The following SLC20A2 variants were observed in gnomAD, a reference collection of about 807,000 sequenced individuals.
SLC20A2 encodes sodium-dependent phosphate transporter 2.
Under a neutral mutation model 61.0 loss-of-function variants are expected in SLC20A2, and 30 were observed. That is an observed-to-expected ratio of 0.49 (90% confidence interval 0.37 to 0.67). The LOEUF is 0.67. Among genes scored for constraint, SLC20A2 ranks in the 30% least tolerant of loss-of-function variants. The probability of loss-of-function intolerance (pLI) is 0.00; values close to 1 mark genes in which losing one functional copy is unlikely to be tolerated. For synonymous variants in SLC20A2, 351 were observed against 353.3 expected (o/e 0.99, Z 0.07); for missense variants, 626 against 866.4 (o/e 0.72, Z 3.48).
rs779984123 is a variant in SLC20A2, at chr8:42,417,534, TTAATATA to T, written c.*262_*268del. 854 of 254,264 alleles carry T rather than the reference TTAATATA, an allele frequency of 3.4e-3. 1 individual carries two copies. The highest frequency in any genetic ancestry group is 5.4e-3 in the Non-Finnish European group (700 of 130,392). 15.8% of individuals were successfully genotyped at this position (254,264 alleles called of 1,614,324 possible). On this transcript the variant is annotated 3_prime_UTR_variant, in exon 11 of 11. Transcript: ENST00000520262. The stretch of plus-strand genomic sequence containing the variant: ...CCTATTCTATGGATACAATAGATAT[TTAATATA>T]TAAGTAACTGCACCACATTATATCA...
intron 6 of SLC20A2, among the ~76,000 whole-genome samples, chr8:42,441,642 T>A (rs1159716521): frequency 6.7e-6 from 1 of 150,072 alleles, no homozygotes; most frequent in Non-Finnish European, 1.5e-5. Context: ...CTAATTTTTG[T>A]ATTTTTAGTA....
rs762332674 is a variant in SLC20A2 at position 42,437,496 on chromosome 8, C to T, written c.1016G>A (p.Ser339Asn). The change falls in exon 8 of 11, where the codon AGC (serine) becomes AAC (asparagine). Residue 339 changes from serine to asparagine, a missense_variant. Around this residue, in one of 3 missense-constraint regions of SLC20A2, gnomAD observed 361 missense variants for 422.3 expected, o/e 0.85. Coordinates refer to ENST00000520262, the MANE Select transcript of SLC20A2 (RefSeq NM_001257180.2). This position sits in a 1 kb window ranked among gnomAD's most constrained non-coding sequence, Gnocchi z 6.4. ...CACGGTGTGGTACACATGACCGTCGCTCCTGGTGTGGCCGTCGAAGCCGAA... is the reference window on the plus strand; with the variant it reads ...CACGGTGTGGTACACATGACCGTCGTTCCTGGTGTGGCCGTCGAAGCCGAA... ...GTFGFDGHTR[S>N]DGHVYHTVHK... 80 of 1,614,014 alleles carry T rather than the reference C, an allele frequency of 5.0e-5. No homozygotes were observed. Among genetic ancestry groups the T allele is most frequent in the Non-Finnish European group, 6.6e-5 (78 of 1,180,028 alleles).
intron 5 of SLC20A2, among the ~76,000 whole-genome samples, chr8:42,458,943 C>A (rs977311999): frequency 5.3e-5 from 7 of 131,774 alleles, no homozygotes; most frequent in Non-Finnish European, 9.6e-5. Flanking sequence ...ATTTTTAACC[C>A]CCCCCCCCAC....
rs1320560354 is a variant in SLC20A2 at position 42,417,949 on chromosome 8, C to A, written c.1813G>T (p.Val605Leu). 1 of 1,613,596 alleles carries A rather than the reference C, an allele frequency of 6.2e-7. No individual in the cohort carries two copies. Among genetic ancestry groups the A allele is most frequent in the Non-Finnish European group, 8.5e-7 (1 of 1,179,820 alleles). Reference sequence around the variant, plus strand: ...GCCTTGCGGGAGCGGATCCAGCCCACGGCCACCACCGAGCCCACCTGTGGG... The same window carrying A: ...GCCTTGCGGGAGCGGATCCAGCCCAAGGCCACCACCGAGCCCACCTGTGGG... ...THCKVGSVVA[V>L]GWIRSRKAVD... The change falls in exon 11 of 11, where the codon GTG becomes TTG. Residue 605 changes from valine to leucine, a missense_variant. Physicochemically the swap from Val to Leu is conservative, Grantham distance 32 (BLOSUM62 1). Coordinates refer to ENST00000520262, the MANE Select transcript of SLC20A2 (RefSeq NM_001257180.2).
intron 10 of SLC20A2, among the ~76,000 whole-genome samples, chr8:42,420,102 C>A (rs1470569495): frequency 6.6e-6 from 1 of 151,808 alleles, no homozygotes; most frequent in African/African-American, 2.4e-5. Flanking sequence ...AGGAGAATCG[C>A]TTGAACTGGG....
Position 42,541,922 on chromosome 8 carries a change from A to C in SLC20A2, c.-366T>G, listed in dbSNP as rs1335860382. 1.3e-5 allele frequency: 2 copies of C among 152,076 alleles called. No homozygotes were observed. Among genetic ancestry groups the C allele is most frequent in the Admixed American group, 6.5e-5 (1 of 15,270 alleles). The allele number at this position is 152,076 out of a possible 1,614,324, so 9.4% of individuals were successfully genotyped here. A position where few individuals can be genotyped will look rare whatever the true frequency, so the allele number is the denominator to read the frequency against. ...GGAGCTGCGAGTCGCCCGCTTCCGGAAGCGCACACGGGCCAGTTGCGGCGG... is the reference window on the plus strand; with the variant it reads ...GGAGCTGCGAGTCGCCCGCTTCCGGCAGCGCACACGGGCCAGTTGCGGCGG... On this transcript the variant is annotated 5_prime_UTR_variant, in exon 1 of 11. Transcript: ENST00000342228.
intron 5 of SLC20A2, among the ~76,000 whole-genome samples, chr8:42,445,448 G>A (rs915622180): frequency 4.7e-5 from 7 of 149,670 alleles, no homozygotes; most frequent in African/African-American, 1.2e-4. Context: ...AGCTGAGGTC[G>A]GGCATGATGG....
intron 1 of SLC20A2, among the ~76,000 whole-genome samples, chr8:42,488,401 G>T (rs1178605054): frequency 6.6e-6 from 1 of 151,772 alleles, no homozygotes; most frequent in Non-Finnish European, 1.5e-5. Flanking sequence ...TGTTGGTCAG[G>T]CTGGTCTCAA....
At chr8:42,514,713 A>C (rs1026694462) in intron 1 of SLC20A2, among the ~76,000 whole-genome samples, 15 of 151,630 alleles carry the variant, frequency 9.9e-5, no homozygotes, top group Admixed American at 9.2e-4. Flanking sequence ...AGCTGAGATC[A>C]CACCACTGCA....
chr8:42,528,810 G>A (rs1483479888), intron 1 of SLC20A2, among the ~76,000 whole-genome samples: 1 of 151,804 alleles, frequency 6.6e-6, no homozygotes, highest in East Asian at 1.9e-4. Context: ...AGGATTATAG[G>A]CATGCGCCAC....
chr8:42,491,542 G>A (rs1008711347), intron 1 of SLC20A2, among the ~76,000 whole-genome samples: 6 of 151,482 alleles, frequency 4.0e-5, no homozygotes, highest in Admixed American at 2.6e-4. Flanking sequence ...ATGGTGGCGG[G>A]CACCTGTAAT....
intron 2 of SLC20A2, among the ~76,000 whole-genome samples, chr8:42,467,979 T>C (rs1414326641): frequency 6.6e-6 from 1 of 151,894 alleles, no homozygotes; most frequent in African/African-American, 2.4e-5. Flanking sequence ...CTCGGCTCAC[T>C]GCAAGCTCTG....
intron 10 of SLC20A2, among the ~76,000 whole-genome samples, chr8:42,425,277 T>A (rs1194439215): frequency 6.6e-6 from 1 of 152,224 alleles, no homozygotes; most frequent in African/African-American, 2.4e-5. Flanking sequence ...AATTCAACTA[T>A]GACTCTATGT....
At chr8:42,502,504 A>T (rs1386406900), upstream of SLC20A2, 1 of 152,294 alleles carries the variant, frequency 6.6e-6, no homozygotes, top group Non-Finnish European at 1.5e-5. Flanking sequence ...GTCCATCTGC[A>T]GCCTGCTGCC....
intron 1 of SLC20A2, among the ~76,000 whole-genome samples, chr8:42,527,987 G>C (rs1380717037): frequency 6.6e-6 from 1 of 152,136 alleles, no homozygotes; most frequent in Non-Finnish European, 1.5e-5. Context: ...AGAACTACTA[G>C]TCATTTTCAC....
At chr8:42,479,759 A>G (rs1244585572) in intron 1 of SLC20A2, among the ~76,000 whole-genome samples, 2 of 152,152 alleles carry the variant, frequency 1.3e-5, no homozygotes, top group Non-Finnish European at 2.9e-5. Context: ...TGGGAGGCAG[A>G]GGTTGCAGTG....
intron 1 of SLC20A2, chr8:42,534,986 A>C (rs1812613533): frequency 6.6e-6 from 1 of 152,226 alleles, no homozygotes; most frequent in South Asian, 2.1e-4. Context: ...TAACAAAGAT[A>C]ATGTAAGAAA....
chr8:42,468,680 G>A lies in SLC20A2; in HGVS notation c.290-2763C>T, dbSNP rs1258770560. ...TGGGGAGATGGGCATCTCAGAGGCC[G>A]CCATTCCCGTGCAGATGAAAGAAAC... On this transcript the variant is annotated intron_variant, in intron 2 of 10. Transcript: ENST00000520262. 3.3e-5 allele frequency among the ~76,000 whole-genome samples: 5 copies of A among 151,698 alleles called. No homozygotes were observed. In the South Asian group the frequency reaches 8.4e-4, roughly 25 times the overall value.
At chr8:42,479,862 C>T (rs1808426832) in intron 1 of SLC20A2, among the ~76,000 whole-genome samples, 1 of 151,994 alleles carries the variant, frequency 6.6e-6, no homozygotes, top group Admixed American at 6.6e-5. Context: ...TGTCAACTCA[C>T]CAGGCCAGGT....
Sources: allele counts gnomAD v4.1 joint callset (sites outside exome capture counted in the v4.1 genomes callset), GRCh38; gene constraint gnomAD v4.1.1; regional missense constraint gnomAD v4.1.1; non-coding constraint Gnocchi (gnomAD v3.1); transcripts MANE v1.5; gene names NCBI Gene and HGNC (gene_info 2026-07-23, HGNC 2026-07-21).